SLC7A3: variants seen among roughly 807,000 people sequenced by gnomAD.
SLC7A3 encodes the protein solute carrier family 7 member 3.
Under a neutral mutation model 33.2 loss-of-function variants are expected in SLC7A3, and 3 were observed. The observed-to-expected ratio is 0.09, with a 90% CI of 0.04 to 0.23. The LOEUF is 0.23. Ranked by LOEUF, SLC7A3 falls within the 10% of genes least tolerant of loss-of-function variation. The pLI, the probability that SLC7A3 is intolerant of heterozygous loss-of-function variation, is 1.00. For missense variants in SLC7A3, 360 were observed against 488.8 expected, an observed-to-expected ratio of 0.74 and a Z score of 2.48; for synonymous variants, 193 against 195.1, an observed-to-expected ratio of 0.99 and a Z score of 0.09.
Position 70,925,865 on chromosome X carries a change from C to G in SLC7A3, c.1808G>C (p.Arg603Thr). The change falls in exon 12 of 12, where the codon AGA becomes ACA. Residue 603 changes from arginine to threonine, a missense_variant. Transcript: ENST00000374299. ...GGGATCAAGGTCTACAGTTTTGGCT[C>G]TAGACTTGCGTGAGGGTTGGTTACT... ...IKSNQPSRKS[R>T]AKTVDLDPGT... 1 of 1,211,193 alleles carries G rather than the reference C, an allele frequency of 8.3e-7. No individual in the cohort carries two copies. The highest frequency in any genetic ancestry group is 1.1e-6 in the Non-Finnish European group (1 of 895,246).
rs1345761620 is a variant in SLC7A3 at position 70,928,213 on chromosome X, T to C, written c.752A>G (p.Glu251Gly). 1 of 1,211,220 alleles carries C rather than the reference T, an allele frequency of 8.3e-7. No individual in the cohort carries two copies. Among genetic ancestry groups the C allele is most frequent in the Non-Finnish European group, 1.1e-6 (1 of 895,262 alleles). Residue 251 changes from glutamate (E) to glycine (G), a missense_variant, in exon 5 of 12, where the codon GAG becomes GGG. Glu to Gly is a moderately conservative substitution (Grantham distance 98). Coordinates refer to ENST00000374299, the MANE Select transcript of SLC7A3 (RefSeq NM_032803.6). Reference protein sequence around the residue: ...GSGGFVPFGFEGILRGAATCF... With the variant: ...GSGGFVPFGFGGILRGAATCF... ...GGTCGCTGCTCCACGGAGAATTCCC[T>C]CGAAGCCGAAAGGCACAAATCCTCC...
intron 1 of SLC7A3, 81 bp from the exon 2 acceptor site, chrX:70,930,103 C>A: frequency 1.0e-6 from 1 of 985,816 alleles, no homozygotes. Context: ...ACCCCCTCCA[C>A]CAAGCAAAGG....
chrX:70,929,588 G>A (rs772024025), intron 2 of SLC7A3, 40 bp downstream of exon 2: 1 of 1,163,758 alleles, frequency 8.6e-7, no homozygotes. Context: ...AAACCCCTTT[G>A]CTGGCTGTGC....
In SLC7A3 at chrX:70,925,927, G is replaced by T. The variant is rs201510794; in HGVS notation, c.1746C>A (p.Phe582Leu). ...VWMLIGFAIYFGYGIQHSLEE... is the reference protein window; with the variant it reads ...VWMLIGFAIYLGYGIQHSLEE... ...CCAGGCTGTGCTGGATCCCATAGCC[G>T]AAGTAGATAGCAAAGCCTAGTGGGG... Residue 582 changes from phenylalanine (F) to leucine (L), a missense_variant, in exon 12 of 12, where the codon TTC becomes TTA. Transcript: ENST00000374299. 5 of 1,211,660 alleles carry T rather than the reference G, an allele frequency of 4.1e-6. No individual in the cohort carries two copies. Among genetic ancestry groups the T allele is most frequent in the Non-Finnish European group, 3.3e-6 (3 of 895,530 alleles).
chrX:70,928,326 CA>C, intron 4 of SLC7A3, 69 bp from the exon 5 acceptor site: 1 of 1,109,186 alleles, frequency 9.0e-7, no homozygotes, highest in South Asian at 2.0e-5. Context: ...TCTCTAATGC[CA>C]AACCAGTTAG....
intron 11 of SLC7A3, 41 bp downstream of exon 11, chrX:70,926,029 A>T: frequency 8.3e-7 from 1 of 1,205,978 alleles, no homozygotes; most frequent in South Asian, 1.8e-5. Flanking sequence ...GAGCTGGGCT[A>T]GGACACCAAA....
Position 70,927,383 on chromosome X carries a change from T to G in SLC7A3, c.1185A>C (p.Ala395=). ...IATVVSGIIA[A]FMAFLFKLTD... Reference sequence around the variant, plus strand: ...TGAGTTTGAAGAGGAATGCCATGAATGCTAAAATTAATAGGCAGGAAACAA... The same window carrying G: ...TGAGTTTGAAGAGGAATGCCATGAAGGCTAAAATTAATAGGCAGGAAACAA... Residue 395 remains alanine, a splice_region_variant and synonymous_variant, in exon 8 of 12, where the codon GCA becomes GCC. Transcript: ENST00000374299. The G allele has an allele frequency of 8.3e-7, 1 of 1,209,983 alleles. No homozygotes were observed. The highest frequency in any genetic ancestry group is 1.7e-5 in the African/African-American group (1 of 57,619).
rs746160606 is a variant in SLC7A3, at chrX:70,928,381, C to A, written c.707+75G>T. 2.2e-4 allele frequency: 243 copies of A among 1,121,307 alleles called. No homozygotes were observed. In the African/African-American group the frequency reaches 4.1e-3, roughly 19 times the overall value. The allele number at this position is 1,121,307 out of a possible 1,213,427, so 92.4% of individuals were successfully genotyped here. ...GCCTCCCATTTTTTCCCATCCCCATCCAGAATCCTTCAGCAGATCCCCTTC... is the reference window on the plus strand; with the variant it reads ...GCCTCCCATTTTTTCCCATCCCCATACAGAATCCTTCAGCAGATCCCCTTC... On this transcript the variant is annotated intron_variant, in intron 4 of 11. Transcript: ENST00000374299.
Position 70,927,933 on chromosome X carries a change from G to C in SLC7A3, c.908C>G (p.Ser303Cys). ...SVCFLAYFAV[S>C]SALTLMMPYY... ...AGGCATCATCAGGGTGAGTGCAGAA[G>C]AGACAGCAAAATACGCCAAAAAGCA... The change falls in exon 6 of 12, where the codon TCT becomes TGT. Residue 303 changes from serine to cysteine, a missense_variant. Physicochemically the swap from Ser to Cys is moderately radical, Grantham distance 112 (BLOSUM62 -1). Coordinates refer to ENST00000374299, the MANE Select transcript of SLC7A3 (RefSeq NM_032803.6). 1 of 1,211,563 alleles carries C rather than the reference G, an allele frequency of 8.3e-7. No homozygotes were observed. The highest frequency in any genetic ancestry group is 2.2e-5 in the Admixed American group (1 of 46,013).
intron 2 of SLC7A3, 137 bp from the exon 3 acceptor site, chrX:70,929,139 G>A: frequency 1.7e-6 from 1 of 600,953 alleles, no homozygotes; most frequent in Non-Finnish European, 2.6e-6. Context: ...CACCCAGGAT[G>A]GAGTGCAGTG....
chrX:70,928,317 C>G, intron 4 of SLC7A3, 60 bp from the exon 5 acceptor site: 1 of 1,119,011 alleles, frequency 8.9e-7, no homozygotes, highest in Non-Finnish European at 1.2e-6. Context: ...TGTATCTTTT[C>G]TCTAATGCCA....
rs760146667 is a variant in SLC7A3 at position 70,929,491 on chromosome X, C to A, written c.370+137G>T. 7.7e-6 allele frequency: 6 copies of A among 778,035 alleles called. No homozygotes were observed. The East Asian group carries it at 1.2e-4, about 16-fold the overall frequency. The allele number at this position is 778,035 out of a possible 1,213,427, so 64.1% of individuals were successfully genotyped here. ...TTCTCCACACCTTCAACACCCCCCCCCAGACCCCCAGCAAACCCGCACATT... is the reference window on the plus strand; with the variant it reads ...TTCTCCACACCTTCAACACCCCCCCACAGACCCCCAGCAAACCCGCACATT... On this transcript the variant is annotated intron_variant, in intron 2 of 11. Coordinates refer to ENST00000374299, the MANE Select transcript of SLC7A3 (RefSeq NM_032803.6).
rs1359593856 is a variant in SLC7A3, at chrX:70,928,323, T to C, written c.708-66A>G. 5 of 1,113,444 alleles carry C rather than the reference T, an allele frequency of 4.5e-6. No homozygotes were observed. The South Asian group carries it at 7.8e-5, about 17-fold the overall frequency. 91.8% of individuals were successfully genotyped at this position (1,113,444 alleles called of 1,213,427 possible). On this transcript the variant is annotated intron_variant, in intron 4 of 11. Coordinates refer to ENST00000374299, the MANE Select transcript of SLC7A3 (RefSeq NM_032803.6). ...AGCCAACTCTGTATCTTTTCTCTAATGCCAAACCAGTTAGCTAGGTCTTCA... is the reference window on the plus strand; with the variant it reads ...AGCCAACTCTGTATCTTTTCTCTAACGCCAAACCAGTTAGCTAGGTCTTCA...
chrX:70,929,549 G>A, intron 2 of SLC7A3, 79 bp downstream of exon 2: 1 of 1,088,341 alleles, frequency 9.2e-7, no homozygotes, highest in Non-Finnish European at 1.2e-6. Flanking sequence ...ATAATATAAA[G>A]AATACTTCCA....
At chrX:70,926,216 G>C (rs1216378274) in intron 10 of SLC7A3, 38 bp from the exon 11 acceptor site, 1 of 1,110,653 alleles carries the variant, frequency 9.0e-7, no homozygotes, top group South Asian at 1.9e-5. Context: ...ACATACCACA[G>C]GTTGACCTAG....
chrX:70,928,741 C>A, intron 3 of SLC7A3, 103 bp downstream of exon 3: 4 of 1,128,389 alleles, frequency 3.5e-6, no homozygotes, highest in South Asian at 4.2e-5. Flanking sequence ...ATTATCACCT[C>A]CCTTAAGCCT....
In SLC7A3 at chrX:70,928,485, C is replaced by A. The variant is rs757601279; in HGVS notation, c.678G>T (p.Leu226Phe). The A allele has an allele frequency of 1.8e-5, 22 of 1,202,905 alleles. No individual in the cohort carries two copies. Among genetic ancestry groups the A allele is most frequent in the African/African-American group, 1.6e-4 (9 of 56,852 alleles). ...NWKLTEEDYE[L>F]AMAELNDTYS... ...AGGTGTCATTGAGTTCAGCCATGGCCAATTCGTAGTCCTCTTCTGTGAGCT... is the reference window on the plus strand; with the variant it reads ...AGGTGTCATTGAGTTCAGCCATGGCAAATTCGTAGTCCTCTTCTGTGAGCT... The change falls in exon 4 of 12, where the codon TTG becomes TTT. Residue 226 changes from leucine to phenylalanine, a missense_variant. By Grantham distance (22) the Leu-to-Phe change is conservative. Coordinates refer to ENST00000374299, the MANE Select transcript of SLC7A3 (RefSeq NM_032803.6).
intron 4 of SLC7A3, 68 bp from the exon 5 acceptor site, chrX:70,928,325 C>A: frequency 9.0e-7 from 1 of 1,109,323 alleles, no homozygotes; most frequent in Non-Finnish European, 1.2e-6. Flanking sequence ...TTCTCTAATG[C>A]CAAACCAGTT....
At position 70,925,909 on chromosome X, in the gene SLC7A3, G is replaced by T; in HGVS notation, c.1764C>A (p.His588Gln). Residue 588 changes from histidine (H) to glutamine (Q), a missense_variant, in exon 12 of 12, where the codon CAC becomes CAA. His to Gln is a conservative substitution (Grantham distance 24). Transcript: ENST00000374299. ...FAIYFGYGIQHSLEEIKSNQP... is the reference protein window; with the variant it reads ...FAIYFGYGIQQSLEEIKSNQP... ...GGTTACTCTTAATCTCTTCCAGGCT[G>T]TGCTGGATCCCATAGCCGAAGTAGA... 1 of 1,211,662 alleles carries T rather than the reference G, an allele frequency of 8.3e-7. No individual in the cohort carries two copies. Among genetic ancestry groups the T allele is most frequent in the East Asian group, 3.0e-5 (1 of 33,843 alleles).
Sources: allele counts gnomAD v4.1 joint callset, GRCh38; gene constraint gnomAD v4.1.1; transcripts MANE v1.5; gene names NCBI Gene and HGNC (gene_info 2026-07-23, HGNC 2026-07-21).